Variants in KIFAP3 observed in about 807,000 individuals in gnomAD.
KIFAP3 encodes kinesin associated protein 3.
A neutral mutation model predicts 106.5 loss-of-function variants in KIFAP3; 68 were observed. The ratio of observed to expected loss-of-function variants is 0.64; its 90% confidence interval spans 0.53 to 0.78. KIFAP3 has a LOEUF of 0.78. Ranked by LOEUF, KIFAP3 falls within the 30% of genes least tolerant of loss-of-function variation. KIFAP3 has a pLI of 0.00. For missense variants in KIFAP3, 780 were observed against 941.8 expected (o/e 0.83, Z 2.25); for synonymous variants, 320 against 311.5 (o/e 1.03, Z -0.29).
At chr1:170,048,399 T>C (rs1670380774) in intron 2 of KIFAP3, among the ~76,000 whole-genome samples, 1 of 151,756 alleles carries the variant, frequency 6.6e-6, no homozygotes, top group East Asian at 1.9e-4. Flanking sequence ...GAAAGGTCAA[T>C]ACAGAGAAAA....
At chr1:169,944,302 T>TACA in intron 19 of KIFAP3, among the ~76,000 whole-genome samples, 2 of 152,316 alleles carry the variant, frequency 1.3e-5, no homozygotes, top group Non-Finnish European at 1.5e-5. Context: ...TGGCTCTGTG[T>TACA]GAGGCTGCAG....
chr1:170,025,663 CCT>C (rs1157036324), intron 8 of KIFAP3, among the ~76,000 whole-genome samples: 2 of 151,794 alleles, frequency 1.3e-5, no homozygotes, highest in East Asian at 1.9e-4. Context: ...ATTGGAAACC[CCT>C]GATTCAAAGA....
intron 15 of KIFAP3, 122 bp downstream of exon 15, chr1:169,981,850 A>G (rs903404460): frequency 7.5e-5 from 55 of 733,164 alleles, no homozygotes; most frequent in Non-Finnish European, 1.1e-4. Context: ...TGATTATATA[A>G]GTTGCTATGA....
chr1:169,946,795 G>C (rs1664459934), intron 19 of KIFAP3, among the ~76,000 whole-genome samples: 1 of 151,836 alleles, frequency 6.6e-6, no homozygotes, highest in Admixed American at 6.6e-5. Context: ...CTTTTAGAAG[G>C]CTCCTAAGGT....
chr1:170,051,259 T>C (rs1000027364), intron 2 of KIFAP3, among the ~76,000 whole-genome samples: 4 of 151,412 alleles, frequency 2.6e-5, no homozygotes, highest in African/African-American at 9.7e-5. Context: ...TACATAATGG[T>C]AAAGGGTTCA....
chr1:169,960,658 A>T (rs1367952742), intron 18 of KIFAP3, among the ~76,000 whole-genome samples: 1 of 152,176 alleles, frequency 6.6e-6, no homozygotes, highest in Non-Finnish European at 1.5e-5. Flanking sequence ...TAAACTGTTA[A>T]GATTAAATAC....
rs147461879 is a variant in KIFAP3, at chr1:170,018,105, C to T, written c.1021-1481G>A. 5.4e-3 allele frequency among the ~76,000 whole-genome samples: 820 copies of T among 152,154 alleles called. 7 individuals carry two copies. Among genetic ancestry groups the T allele is most frequent in the African/African-American group, 0.018 (766 of 41,528 alleles). On this transcript the variant is annotated intron_variant, in intron 9 of 19. Transcript: ENST00000361580. Reference sequence around the variant, plus strand: ...TTTTACAATTTTAAATGGTTGGAAACGAAAATCAAATGAAGAATGATATTT... The same window carrying T: ...TTTTACAATTTTAAATGGTTGGAAATGAAAATCAAATGAAGAATGATATTT...
intron 9 of KIFAP3, among the ~76,000 whole-genome samples, chr1:170,020,477 C>T (rs779225535): frequency 1.1e-4 from 16 of 152,132 alleles, no homozygotes; most frequent in South Asian, 4.1e-4. Flanking sequence ...TTTTTTGAGA[C>T]GGAGTCTTGC....
At chr1:170,038,176 G>A in intron 5 of KIFAP3, 114 bp downstream of exon 5, 1 of 821,442 alleles carries the variant, frequency 1.2e-6, no homozygotes, top group Non-Finnish European at 1.8e-6. Flanking sequence ...CTCAATTTAA[G>A]AAATCTGAGT....
chr1:170,014,257 G>T (rs1332491526), intron 10 of KIFAP3, among the ~76,000 whole-genome samples: 1 of 149,888 alleles, frequency 6.7e-6, no homozygotes, highest in Non-Finnish European at 1.5e-5. Context: ...ACCATCAGTT[G>T]TAAGTACAAA....
chr1:169,936,229 A>G (rs992196021), intron 19 of KIFAP3, among the ~76,000 whole-genome samples: 1 of 151,714 alleles, frequency 6.6e-6, no homozygotes, highest in Non-Finnish European at 1.5e-5. Flanking sequence ...TTACATTTCT[A>G]TGTAAAATGA....
intron 3 of KIFAP3, among the ~76,000 whole-genome samples, chr1:170,045,810 T>C (rs372400290): frequency 1.1e-4 from 16 of 152,230 alleles, no homozygotes; most frequent in African/African-American, 3.1e-4. Flanking sequence ...TAATAGGCTA[T>C]ACTTTGGCCC....
intron 4 of KIFAP3, among the ~76,000 whole-genome samples, chr1:170,038,702 ACTAC>A (rs1669815768): frequency 6.6e-6 from 1 of 152,242 alleles, no homozygotes. Flanking sequence ...ATTTGTATCT[ACTAC>A]AGTAGATTAA....
chr1:170,051,490 G>A, intron 2 of KIFAP3, among the ~76,000 whole-genome samples: 1 of 152,160 alleles, frequency 6.6e-6, no homozygotes, highest in African/African-American at 2.4e-5. Context: ...TGGATCAAGT[G>A]TACCTAATAG....
At chr1:170,021,858 T>A (rs1668847681) in intron 9 of KIFAP3, among the ~76,000 whole-genome samples, 1 of 151,990 alleles carries the variant, frequency 6.6e-6, no homozygotes, top group South Asian at 2.1e-4. Flanking sequence ...GTCTTTTTGG[T>A]TGATAAAAAC....
chr1:170,069,445 G>A (rs894923364), intron 1 of KIFAP3, among the ~76,000 whole-genome samples: 2 of 152,050 alleles, frequency 1.3e-5, no homozygotes, highest in East Asian at 3.8e-4. Flanking sequence ...GAATGTCGAT[G>A]TGAAAATCCT....
At chr1:169,978,222 T>A in intron 15 of KIFAP3, 39 bp from the exon 16 acceptor site, 1 of 1,271,908 alleles carries the variant, frequency 7.9e-7, no homozygotes, top group South Asian at 1.2e-5. Flanking sequence ...GAATACTATG[T>A]TTATATACCA....
rs144037452 is a variant in KIFAP3 at position 170,062,172 on chromosome 1, G to T, written c.33-6736C>A. Among the ~76,000 whole-genome samples the T allele has an allele frequency of 8.6e-3, 1,141 of 132,646 alleles. 12 individuals carry two copies. Among genetic ancestry groups the T allele is most frequent in the African/African-American group, 0.031 (1,081 of 35,316 alleles). 87.0% of individuals were successfully genotyped at this position (132,646 alleles called of 152,430 possible). On this transcript the variant is annotated intron_variant, in intron 1 of 19. Transcript: ENST00000361580. ...GAACTTAAAGTATAATTTAAAAAAA[G>T]AGTAAAATAAATAAATAAAATAAAA...
At position 169,935,871 on chromosome 1, in the gene KIFAP3, C is replaced by T. The variant is rs1663770690; in HGVS notation, c.2274-14090G>A. ...ATAAATTATATGACAGAGTCCCATA[C>T]TTGTCTCTTTGGAGCAGGTCTGAGT... On this transcript the variant is annotated intron_variant, in intron 19 of 19. Transcript: ENST00000361580. Among the ~76,000 whole-genome samples, 3 of 151,930 alleles carry T rather than the reference C, an allele frequency of 2.0e-5. No homozygotes were observed. In the East Asian group the frequency reaches 5.8e-4, roughly 29 times the overall value.
Sources: allele counts gnomAD v4.1 joint callset (sites outside exome capture counted in the v4.1 genomes callset), GRCh38; gene constraint gnomAD v4.1.1; transcripts MANE v1.5; gene names NCBI Gene and HGNC (gene_info 2026-07-23, HGNC 2026-07-21).